GPR35: variants seen among roughly 807,000 people sequenced by gnomAD.
GPR35 encodes the protein KYNA receptor.
For synonymous variants in GPR35, 207 were observed against 198.4 expected, an observed-to-expected ratio of 1.04 and a Z score of -0.36; for missense variants, 372 against 422.5, an observed-to-expected ratio of 0.88 and a Z score of 1.05.
At chr2:240,623,303 A>ATGAGGGTGCAAACAGGTCG (rs1559437429), upstream of GPR35, among the ~76,000 whole-genome samples, 36 of 97,956 alleles carry the variant, frequency 3.7e-4, no homozygotes, top group African/African-American at 7.3e-4. Flanking sequence ...GAAACAGGTC[A>ATGAGGGTGCAAACAGGTCG]TGAGGGCGCA....
intron 5 of GPR35, among the ~76,000 whole-genome samples, chr2:240,619,735 G>T (rs752110069): frequency 6.6e-6 from 1 of 152,174 alleles, no homozygotes; most frequent in African/African-American, 2.4e-5. Flanking sequence ...CTCCCTCCCC[G>T]CCAGACTCCC....
intron 2 of GPR35, chr2:240,607,424 C>G (rs1013000300): frequency 6.6e-6 from 1 of 152,034 alleles, no homozygotes; most frequent in Non-Finnish European, 1.5e-5. Context: ...CGCCTGGACT[C>G]CAACAATCCA....
upstream of GPR35, among the ~76,000 whole-genome samples, chr2:240,620,652 G>C (rs1401487621): frequency 1.3e-5 from 2 of 152,096 alleles, no homozygotes; most frequent in Non-Finnish European, 2.9e-5. Flanking sequence ...CCCTGCACTT[G>C]GGCTGTGGGG....
At chr2:240,606,061 T>C (rs1024824112) in intron 1 of GPR35, among the ~76,000 whole-genome samples, 4 of 152,176 alleles carry the variant, frequency 2.6e-5, no homozygotes, top group African/African-American at 9.7e-5. Context: ...ATCTGGTTAG[T>C]GCTGCCCCCC....
At chr2:240,621,558 G>A (rs979655293), upstream of GPR35, among the ~76,000 whole-genome samples, 1 of 152,156 alleles carries the variant, frequency 6.6e-6, no homozygotes, top group Non-Finnish European at 1.5e-5. Flanking sequence ...CAGCCAATGT[G>A]TTGTTTTAGT....
chr2:240,623,779 C>CA (rs2043336170), upstream of GPR35, among the ~76,000 whole-genome samples: 1 of 152,132 alleles, frequency 6.6e-6, no homozygotes, highest in Non-Finnish European at 1.5e-5. Flanking sequence ...CAGAGACAGT[C>CA]AGAGTCTCTA....
At chr2:240,617,117 C>T (rs1455788906) in exon 4 of GPR35, 1 of 689,024 alleles carries the variant, frequency 1.5e-6, no homozygotes, top group African/African-American at 1.8e-5. Context: ...AAGTGAATCT[C>T]CTCGTAGCTG....
At chr2:240,608,879 G>C (rs1350682812) in intron 2 of GPR35, among the ~76,000 whole-genome samples, 2 of 152,126 alleles carry the variant, frequency 1.3e-5, no homozygotes, top group Non-Finnish European at 2.9e-5. Context: ...TTGTAGAAAG[G>C]CTTCAAATTA....
chr2:240,627,462 T>TA (rs1187356976), intron 1 of GPR35: 1 of 152,018 alleles, frequency 6.6e-6, no homozygotes, highest in Non-Finnish European at 1.5e-5. Context: ...ATGTTGTAGT[T>TA]AGAGTTTTTT....
At chr2:240,622,319 G>A (rs2043304731), upstream of GPR35, among the ~76,000 whole-genome samples, 1 of 152,158 alleles carries the variant, frequency 6.6e-6, no homozygotes, top group Admixed American at 6.5e-5. Context: ...GCTGTGGCTG[G>A]CAGGTATGTG....
rs1223711571 is a variant in GPR35, at chr2:240,630,557, C to T, written c.605C>T (p.Pro202Leu). The stretch of plus-strand genomic sequence containing the variant: ...GTGGTGACTGCCCTGGCCCAGAGGC[C>T]ACCCACCGACGTGGGGCAGGCAGAG... ...LKVVTALAQR[P>L]PTDVGQAEAT... The change falls in exon 2 of 2, where the codon CCA becomes CTA. Residue 202 changes from proline (P) to leucine (L), a missense_variant. By Grantham distance (98) the Pro-to-Leu change is moderately conservative. Transcript: ENST00000407714. 6.2e-7 allele frequency: 1 copy of T among 1,612,820 alleles called. No homozygotes were observed. Among genetic ancestry groups the T allele is most frequent in the South Asian group, 1.1e-5 (1 of 91,076 alleles).
intron 3 of GPR35, chr2:240,616,643 G>T (rs957067459): frequency 1.2e-5 from 8 of 667,816 alleles, no homozygotes; most frequent in Non-Finnish European, 2.2e-5. Flanking sequence ...GCAGGAAGCT[G>T]CCAAGAGACC....
upstream of GPR35, among the ~76,000 whole-genome samples, chr2:240,622,416 C>G (rs1008101558): frequency 1.3e-5 from 2 of 152,214 alleles, no homozygotes; most frequent in Non-Finnish European, 2.9e-5. Context: ...GCCTCACAGA[C>G]TTCCCTTCAA....
At chr2:240,616,436 C>A in exon 3 of GPR35, 1 of 780,672 alleles carries the variant, frequency 1.3e-6, no homozygotes. Context: ...CAAAGTCCAG[C>A]CTGTATGGCT....
chr2:240,622,035 G>C (rs2043301545), upstream of GPR35, among the ~76,000 whole-genome samples: 1 of 139,152 alleles, frequency 7.2e-6, no homozygotes, highest in African/African-American at 2.7e-5. Context: ...CCCATGCGTG[G>C]CTGATTTTTT....
upstream of GPR35, chr2:240,625,420 C>A (rs921018365): frequency 7.1e-6 from 7 of 985,350 alleles, no homozygotes; most frequent in Admixed American, 6.2e-5. Flanking sequence ...CGCCCGCCCC[C>A]CCACCTTAAG....
chr2:240,621,831 A>ATCCCAGCCTCCT (rs2043299156), upstream of GPR35, among the ~76,000 whole-genome samples: 1 of 152,204 alleles, frequency 6.6e-6, no homozygotes, highest in African/African-American at 2.4e-5. Context: ...GTCTGTGTAA[A>ATCCCAGCCTCCT]GACTAAGCTA....
chr2:240,616,256 T>C (rs561177159), intron 2 of GPR35: 13 of 629,548 alleles, frequency 2.1e-5, no homozygotes, highest in Admixed American at 5.1e-5. Context: ...TGACCTTCCA[T>C]TGGGCTCGTG....
At position 240,616,400 on chromosome 2, in the gene GPR35, G is replaced by T; in HGVS notation, c.-564G>T. ...ATTCCCCTCCTAGGTCTCTTGCCCT[G>T]TGCAGCTTCCTGCAGACTGGACTTG... On this transcript the variant is annotated 5_prime_UTR_variant, in exon 3 of 6. Transcript: ENST00000319838. The T allele has an allele frequency of 1.3e-6, 1 of 778,962 alleles. No individual in the cohort carries two copies. The allele number at this position is 778,962 out of a possible 1,614,324, so 48.3% of individuals were successfully genotyped here.
Sources: allele counts gnomAD v4.1 joint callset (sites outside exome capture counted in the v4.1 genomes callset), GRCh38; gene constraint gnomAD v4.1.1; transcripts MANE v1.5; gene names NCBI Gene and HGNC (gene_info 2026-07-23, HGNC 2026-07-21).